The following PRKCB variants were observed in gnomAD, a reference collection of about 807,000 sequenced individuals.
The protein encoded by PRKCB is protein kinase C beta.
PRKCB carries 13 observed loss-of-function variants against 81.5 expected under a neutral mutation model. The observed-to-expected ratio is 0.16, with a 90% CI of 0.10 to 0.25. PRKCB has a LOEUF of 0.25. PRKCB is among the 10% of genes least tolerant of loss of function. PRKCB has a pLI of 1.00. For synonymous variants in PRKCB, 335 were observed against 321.4 expected (o/e 1.04, Z -0.45); for missense variants, 509 against 875.7 (o/e 0.58, Z 5.29).
chr16:23,917,771 A>G (rs987390640), intron 2 of PRKCB, among the ~76,000 whole-genome samples: 18 of 152,196 alleles, frequency 1.2e-4, no homozygotes, highest in African/African-American at 4.3e-4. Flanking sequence ...AGAGAGGATC[A>G]GATGTTTTTT....
At chr16:24,102,862 C>A (rs1002866622) in intron 7 of PRKCB, among the ~76,000 whole-genome samples, 1 of 152,060 alleles carries the variant, frequency 6.6e-6, no homozygotes, top group Non-Finnish European at 1.5e-5. Flanking sequence ...CTTCTTTCGC[C>A]TGACTCTGCT....
intron 7 of PRKCB, among the ~76,000 whole-genome samples, chr16:24,096,666 A>AAAAAAAAAATATATATATATAT: frequency 3.1e-5 from 1 of 32,698 alleles, no homozygotes; most frequent in Non-Finnish European, 6.1e-5. Context: ...AAAAAAAAAA[A>AAAAAAAAAATATATATATATAT]ATATATATAT....
Position 23,959,357 on chromosome 16 carries a change from G to A in PRKCB, c.206-29151G>A, listed in dbSNP as rs189302862. Among the ~76,000 whole-genome samples the A allele has an allele frequency of 4.8e-3, 736 of 152,280 alleles. 5 individuals carry two copies. The highest frequency in any genetic ancestry group is 8.3e-3 in the Non-Finnish European group (568 of 68,028). ...CTCTGATCATTGAGAAACTGACACT[G>A]TGGAAGGGGGCATTTCTGACTCTCT... On this transcript the variant is annotated intron_variant, in intron 2 of 16. Coordinates refer to ENST00000643927, the MANE Select transcript of PRKCB (RefSeq NM_002738.7).
intron 2 of PRKCB, among the ~76,000 whole-genome samples, chr16:23,930,707 A>G (rs558117415): frequency 1.3e-5 from 2 of 152,280 alleles, no homozygotes; most frequent in African/African-American, 4.8e-5. Flanking sequence ...ATGTCCTCAA[A>G]CAAAAACATT....
At chr16:24,191,319 G>A in intron 16 of PRKCB, 89 bp downstream of exon 16, 2 of 1,471,458 alleles carry the variant, frequency 1.4e-6, no homozygotes, top group Non-Finnish European at 1.9e-6. Context: ...TCCCTGAGGG[G>A]TAGACGTCAA....
intron 3 of PRKCB, among the ~76,000 whole-genome samples, chr16:24,014,865 C>A (rs1965255991): frequency 6.6e-6 from 1 of 152,152 alleles, no homozygotes; most frequent in Admixed American, 6.6e-5. Flanking sequence ...ATGATCTCGG[C>A]TCACTGCAAC....
At chr16:23,961,690 C>A (rs1964428370) in intron 2 of PRKCB, among the ~76,000 whole-genome samples, 1 of 151,948 alleles carries the variant, frequency 6.6e-6, no homozygotes, top group South Asian at 2.1e-4. Context: ...AGAAGCATTT[C>A]TGAGTGTGGA....
At chr16:24,003,127 C>T (rs933218817) in intron 3 of PRKCB, among the ~76,000 whole-genome samples, 4 of 152,202 alleles carry the variant, frequency 2.6e-5, no homozygotes, top group Non-Finnish European at 5.9e-5. Flanking sequence ...TGTCCTCTGG[C>T]TCTTACTAGC....
At chr16:23,952,981 C>G (rs1443615051) in intron 2 of PRKCB, among the ~76,000 whole-genome samples, 1 of 152,158 alleles carries the variant, frequency 6.6e-6, no homozygotes, top group African/African-American at 2.4e-5. Flanking sequence ...GGTCCCCAGT[C>G]AACCTGTACT....
chr16:23,883,637 G>A (rs1052871497), intron 2 of PRKCB, among the ~76,000 whole-genome samples: 1 of 152,342 alleles, frequency 6.6e-6, no homozygotes, highest in East Asian at 1.9e-4. Flanking sequence ...GTGAGAGATG[G>A]TGTCTTTGTC....
chr16:24,027,516 CAG>C (rs1567349472), intron 3 of PRKCB, among the ~76,000 whole-genome samples: 4 of 152,130 alleles, frequency 2.6e-5, no homozygotes, highest in African/African-American at 9.7e-5. Flanking sequence ...TTGAGCAGGA[CAG>C]ATGATTGCTG....
intron 2 of PRKCB, among the ~76,000 whole-genome samples, chr16:23,945,960 G>A (rs1964200040): frequency 6.6e-6 from 1 of 152,118 alleles, no homozygotes; most frequent in Non-Finnish European, 1.5e-5. Context: ...ACGACTAATA[G>A]CAATAGAAAA....
intron 12 of PRKCB, chr16:24,174,835 G>A (rs990967394): frequency 2.5e-6 from 1 of 405,318 alleles, no homozygotes; most frequent in Non-Finnish European, 4.4e-6. Flanking sequence ...GAGACTGTTT[G>A]CTCTAAGAGG....
intron 2 of PRKCB, among the ~76,000 whole-genome samples, chr16:23,888,959 G>A (rs1053232767): frequency 6.6e-6 from 1 of 152,148 alleles, no homozygotes; most frequent in Non-Finnish European, 1.5e-5. Context: ...GGGAGTATGA[G>A]ACCTGCAAGC....
chr16:24,097,935 G>A (rs1236093319), intron 7 of PRKCB, among the ~76,000 whole-genome samples: 1 of 152,172 alleles, frequency 6.6e-6, no homozygotes, highest in East Asian at 1.9e-4. Flanking sequence ...GCTTCAGAGA[G>A]ACTAGATGGT....
chr16:23,964,674 G>GT (rs71381628), intron 2 of PRKCB, among the ~76,000 whole-genome samples: 10,971 of 138,748 alleles, frequency 0.079, 443 homozygotes, highest in Middle Eastern at 0.14. Context: ...ACCTCATGAG[G>GT]TTTTTTTTTT....
intron 3 of PRKCB, among the ~76,000 whole-genome samples, chr16:24,010,281 G>A (rs1306978879): frequency 6.6e-6 from 1 of 152,184 alleles, no homozygotes; most frequent in Admixed American, 6.5e-5. Flanking sequence ...AAGGATGAAG[G>A]TCTAAGTTTT....
chr16:24,118,737 T>C lies in PRKCB; in HGVS notation c.919-5098T>C, dbSNP rs556915802. Among the ~76,000 whole-genome samples, 8 of 152,322 alleles carry C rather than the reference T, an allele frequency of 5.3e-5. No homozygotes were observed. The South Asian group carries it at 1.5e-3, about 28-fold the overall frequency. On this transcript the variant is annotated intron_variant, in intron 8 of 16. Coordinates refer to ENST00000643927, the MANE Select transcript of PRKCB (RefSeq NM_002738.7). ...GCAGACATGAAAAGGCAACCATTAG[T>C]GTATTCCTGTTTCTGAAAGCACATC...
chr16:24,075,938 CTTTT>C, intron 5 of PRKCB, among the ~76,000 whole-genome samples: 1 of 151,614 alleles, frequency 6.6e-6, no homozygotes, highest in South Asian at 2.1e-4. Flanking sequence ...TCATGCATTT[CTTTT>C]TTTTTGTTTG....
Sources: allele counts gnomAD v4.1 joint callset (sites outside exome capture counted in the v4.1 genomes callset), GRCh38; gene constraint gnomAD v4.1.1; transcripts MANE v1.5; gene names NCBI Gene and HGNC (gene_info 2026-07-23, HGNC 2026-07-21).